VTI1A: variants seen among roughly 807,000 people sequenced by gnomAD.
VTI1A encodes vesicle transport through interaction with t-SNAREs homolog 1A.
VTI1A carries 22 observed loss-of-function variants against 34.9 expected under a neutral mutation model. That is an observed-to-expected ratio of 0.63 (90% confidence interval 0.45 to 0.90). The LOEUF is 0.90. Among genes scored for constraint, VTI1A ranks in the 40% least tolerant of loss-of-function variants. The pLI, the probability that VTI1A is intolerant of heterozygous loss-of-function variation, is 0.00. For missense variants in VTI1A, 268 were observed against 275.6 expected, an observed-to-expected ratio of 0.97 and a Z score of 0.20; for synonymous variants, 87 against 97.3, an observed-to-expected ratio of 0.89 and a Z score of 0.62.
At chr10:112,717,683 C>T (rs1442813668) in intron 7 of VTI1A, among the ~76,000 whole-genome samples, 1 of 152,132 alleles carries the variant, frequency 6.6e-6, no homozygotes, top group African/African-American at 2.4e-5. Flanking sequence ...GTGGCTTTTT[C>T]TTACCCAATC....
At chr10:112,496,058 C>T (rs1033654908) in intron 3 of VTI1A, among the ~76,000 whole-genome samples, 14 of 152,114 alleles carry the variant, frequency 9.2e-5, no homozygotes, top group African/African-American at 3.4e-4. Flanking sequence ...TTCAGCAAAT[C>T]CCTTTAAAGC....
At chr10:112,844,425 A>G in the VTI1A span, among the ~76,000 whole-genome samples, 2 of 152,194 alleles carry the variant, frequency 1.3e-5, no homozygotes, top group Non-Finnish European at 2.9e-5. Flanking sequence ...GCCAAGACGG[A>G]GTCTTGCTCT....
chr10:112,585,581 T>A (rs1844116615), intron 5 of VTI1A, among the ~76,000 whole-genome samples: 1 of 152,028 alleles, frequency 6.6e-6, no homozygotes, highest in Non-Finnish European at 1.5e-5. Flanking sequence ...TTCCAAAGTT[T>A]GCAGAGAAGG....
chr10:112,650,130 G>A (rs548350148), intron 5 of VTI1A, among the ~76,000 whole-genome samples: 9 of 152,184 alleles, frequency 5.9e-5, no homozygotes, highest in Non-Finnish European at 5.9e-5. Context: ...TGATTCTTTC[G>A]TAATAACGCT....
chr10:112,735,460 G>T (rs983893508), intron 7 of VTI1A, among the ~76,000 whole-genome samples: 2 of 152,156 alleles, frequency 1.3e-5, no homozygotes, highest in African/African-American at 2.4e-5. Flanking sequence ...AGAAGTAATT[G>T]AAAATCTGCA....
chr10:112,581,012 A>C (rs1248651079), intron 5 of VTI1A, among the ~76,000 whole-genome samples: 1 of 152,170 alleles, frequency 6.6e-6, no homozygotes, highest in Non-Finnish European at 1.5e-5. Flanking sequence ...GATCATGCTA[A>C]ATATAAGTTT....
intron 7 of VTI1A, among the ~76,000 whole-genome samples, chr10:112,681,190 C>G (rs1280771435): frequency 6.6e-6 from 1 of 151,816 alleles, no homozygotes; most frequent in Non-Finnish European, 1.5e-5. Flanking sequence ...ATCCTTCCAC[C>G]TCCACCTTAG....
chr10:112,453,346 T>C (rs2134016548), intron 1 of VTI1A, among the ~76,000 whole-genome samples: 1 of 152,320 alleles, frequency 6.6e-6, no homozygotes, highest in South Asian at 2.1e-4. Context: ...CCCTCCCTTT[T>C]CCATACTATT....
At chr10:112,468,160 G>T (rs558228540) in intron 3 of VTI1A, among the ~76,000 whole-genome samples, 2 of 152,172 alleles carry the variant, frequency 1.3e-5, no homozygotes, top group African/African-American at 4.8e-5. Context: ...ATTGTAGGCC[G>T]TGGTAAAGAC....
chr10:112,472,745 A>G (rs1848137104), intron 3 of VTI1A, among the ~76,000 whole-genome samples: 1 of 152,168 alleles, frequency 6.6e-6, no homozygotes. Context: ...GGATAGTCTC[A>G]GTGGTAATAT....
intron 3 of VTI1A, among the ~76,000 whole-genome samples, chr10:112,481,689 A>C (rs1285230444): frequency 6.6e-6 from 1 of 152,212 alleles, no homozygotes; most frequent in African/African-American, 2.4e-5. Context: ...GTAATCAGAG[A>C]AAAAGAAGTA....
intron 7 of VTI1A, among the ~76,000 whole-genome samples, chr10:112,788,463 G>T (rs962941446): frequency 1.3e-5 from 2 of 152,182 alleles, no homozygotes; most frequent in African/African-American, 4.8e-5. Flanking sequence ...AGACACTCTA[G>T]CTCCTTATAG....
At chr10:112,835,312 T>C in the VTI1A span, among the ~76,000 whole-genome samples, 2 of 152,138 alleles carry the variant, frequency 1.3e-5, no homozygotes, top group Non-Finnish European at 2.9e-5. Context: ...GAAGAAACAA[T>C]GCACGAAAAA....
intron 5 of VTI1A, among the ~76,000 whole-genome samples, chr10:112,624,921 A>T (rs1845865637): frequency 6.6e-6 from 1 of 152,010 alleles, no homozygotes; most frequent in Non-Finnish European, 1.5e-5. Context: ...ACATAGTGAG[A>T]CCCCATCTCT....
chr10:112,772,048 T>C (rs1446251180), intron 7 of VTI1A, among the ~76,000 whole-genome samples: 1 of 152,214 alleles, frequency 6.6e-6, no homozygotes, highest in African/African-American at 2.4e-5. Flanking sequence ...GGACATATGT[T>C]TTTATTCTCT....
chr10:112,456,941 A>G (rs1057171947), intron 1 of VTI1A, among the ~76,000 whole-genome samples: 2 of 152,212 alleles, frequency 1.3e-5, no homozygotes, highest in African/African-American at 2.4e-5. Flanking sequence ...ATTTTTGTCC[A>G]TTGATCCTAT....
chr10:112,844,296 G>T, the VTI1A span, among the ~76,000 whole-genome samples: 7 of 152,086 alleles, frequency 4.6e-5, no homozygotes, highest in African/African-American at 1.7e-4. Context: ...GTCTTCCAAA[G>T]AAATGAGTTG....
At chr10:112,658,976 A>G (rs1221361996) in intron 5 of VTI1A, among the ~76,000 whole-genome samples, 2 of 152,244 alleles carry the variant, frequency 1.3e-5, no homozygotes, top group Admixed American at 1.3e-4. Context: ...CTTCTCAAAC[A>G]TGTAATTAAA....
At chr10:112,454,743 A>G (rs1847371163) in intron 1 of VTI1A, among the ~76,000 whole-genome samples, 1 of 151,210 alleles carries the variant, frequency 6.6e-6, no homozygotes, top group Non-Finnish European at 1.5e-5. Context: ...GAGACTGTTT[A>G]TATATTAAAT....
Sources: allele counts gnomAD v4.1 joint callset (sites outside exome capture counted in the v4.1 genomes callset), GRCh38; gene constraint gnomAD v4.1.1; transcripts MANE v1.5; gene names NCBI Gene and HGNC (gene_info 2026-07-23, HGNC 2026-07-21).